The following GSN variants were observed in gnomAD, a reference collection of about 807,000 sequenced individuals.
The protein encoded by GSN is actin-depolymerizing factor.
Under a neutral mutation model 85.7 loss-of-function variants are expected in GSN, and 56 were observed. The observed-to-expected ratio is 0.65, with a 90% CI of 0.53 to 0.82. The LOEUF is 0.82. GSN is among the 40% of genes least tolerant of loss of function. The probability of loss-of-function intolerance (pLI) is 0.00; values close to 1 mark genes in which losing one functional copy is unlikely to be tolerated. For synonymous variants in GSN, 373 were observed against 399.1 expected, an observed-to-expected ratio of 0.93 and a Z score of 0.78; for missense variants, 857 against 979.8, an observed-to-expected ratio of 0.87 and a Z score of 1.67.
intron 5 of GSN, among the ~76,000 whole-genome samples, chr9:121,232,918 C>A (rs2054421501): frequency 6.6e-6 from 1 of 152,174 alleles, no homozygotes; most frequent in African/African-American, 2.4e-5. Context: ...TCAGAGGAAC[C>A]ATTGTTGAGT....
chr9:121,268,454 A>G (rs1401914577), intron 1 of GSN, among the ~76,000 whole-genome samples: 1 of 151,958 alleles, frequency 6.6e-6, no homozygotes, highest in African/African-American at 2.4e-5. Context: ...GAGAGGGGCC[A>G]GGCCTCCACC....
chr9:121,312,529 C>A, intron 6 of GSN, 41 bp downstream of exon 6: 13 of 1,526,656 alleles, frequency 8.5e-6, no homozygotes, highest in Non-Finnish European at 1.2e-5. Context: ...TGGGGACACG[C>A]TGCTCATGAC....
intron 2 of GSN, among the ~76,000 whole-genome samples, chr9:121,293,971 C>T (rs143189687): frequency 6.6e-6 from 1 of 152,050 alleles, no homozygotes; most frequent in East Asian, 1.9e-4. Context: ...TGCTCAAAGC[C>T]ACACTGCTAA....
At chr9:121,206,559 T>G (rs1452642898), upstream of GSN, among the ~76,000 whole-genome samples, 1 of 152,088 alleles carries the variant, frequency 6.6e-6, no homozygotes, top group East Asian at 1.9e-4. Context: ...AAATATCCTC[T>G]CGTGTCACAG....
intron 5 of GSN, among the ~76,000 whole-genome samples, chr9:121,233,598 C>G (rs181974611): frequency 2.6e-5 from 4 of 152,274 alleles, no homozygotes; most frequent in Non-Finnish European, 5.9e-5. Flanking sequence ...TGGTTCCAAC[C>G]CCACCTAGCA....
chr9:121,249,286 TG>T (rs1261714684), intron 6 of GSN, among the ~76,000 whole-genome samples: 1 of 151,764 alleles, frequency 6.6e-6, no homozygotes, highest in African/African-American at 2.4e-5. Context: ...TGGTGAAACC[TG>T]GTCTGTACAA....
intron 2 of GSN, among the ~76,000 whole-genome samples, chr9:121,287,127 C>T (rs1432335273): frequency 2.6e-5 from 4 of 152,156 alleles, no homozygotes; most frequent in Non-Finnish European, 5.9e-5. Context: ...CCCCCTGGGC[C>T]TATTCTCTTC....
intron 6 of GSN, among the ~76,000 whole-genome samples, chr9:121,253,421 C>T (rs958383874): frequency 6.6e-6 from 1 of 152,146 alleles, no homozygotes; most frequent in African/African-American, 2.4e-5. Flanking sequence ...GTTATCTTTC[C>T]CTTACCAAGT....
chr9:121,313,692 T>A, intron 6 of GSN: 1 of 579,922 alleles, frequency 1.7e-6, no homozygotes, highest in Non-Finnish European at 3.1e-6. Context: ...AAGCGCTGTC[T>A]GGAGGCAGAG....
At chr9:121,204,865 A>G (rs930306777), upstream of GSN, among the ~76,000 whole-genome samples, 1 of 152,236 alleles carries the variant, frequency 6.6e-6, no homozygotes, top group Non-Finnish European at 1.5e-5. Flanking sequence ...GAAAAAAGCA[A>G]GGTGCAGAAA....
chr9:121,326,414 G>A, intron 12 of GSN, 98 bp from the exon 13 acceptor site: 1 of 961,692 alleles, frequency 1.0e-6, no homozygotes, highest in Non-Finnish European at 1.6e-6. Context: ...ACAGACACAA[G>A]CATGATGGCT....
At chr9:121,282,469 G>T in intron 2 of GSN, 1 of 1,268,720 alleles carries the variant, frequency 7.9e-7, no homozygotes, top group African/African-American at 1.5e-5. Context: ...CAGGACTTAC[G>T]CGTCTGCTGT....
chr9:121,312,732 A>T, intron 6 of GSN: 1 of 317,494 alleles, frequency 3.1e-6, no homozygotes, highest in Non-Finnish European at 5.8e-6. Flanking sequence ...GGCTCAAGTG[A>T]TCCTCCTGCC....
chr9:121,258,209 T>C (rs1185518996), intron 6 of GSN, among the ~76,000 whole-genome samples: 1 of 152,164 alleles, frequency 6.6e-6, no homozygotes, highest in Admixed American at 6.5e-5. Flanking sequence ...AAGGACTGTA[T>C]TGAATGAGAG....
At chr9:121,294,930 C>T (rs182548172) in intron 2 of GSN, among the ~76,000 whole-genome samples, 1 of 152,312 alleles carries the variant, frequency 6.6e-6, no homozygotes, top group Non-Finnish European at 1.5e-5. Context: ...CCCAAAAGTC[C>T]TGCAACTGGG....
intron 4 of GSN, among the ~76,000 whole-genome samples, chr9:121,216,523 A>G (rs2054067571): frequency 6.6e-6 from 1 of 151,578 alleles, no homozygotes; most frequent in Non-Finnish European, 1.5e-5. Context: ...ACAGTCCCTA[A>G]CTCTCCTACC....
At chr9:121,205,608 C>T (rs557459127), upstream of GSN, among the ~76,000 whole-genome samples, 65 of 152,148 alleles carry the variant, frequency 4.3e-4, no homozygotes, top group African/African-American at 1.4e-3. Flanking sequence ...GATTGGAGTA[C>T]GGCAAAGAAG....
At position 121,214,383 on chromosome 9, in the gene GSN, T is replaced by G. The variant is rs374572169; in HGVS notation, c.-528+3516T>G. ...GATGTTAGTTCTACATTTTAAAATC[T>G]AGGTTCCATAATCTTTCTGAGTCTC... On this transcript the variant is annotated intron_variant, in intron 4 of 24. Transcript: ENST00000373823. 6.7e-4 allele frequency among the ~76,000 whole-genome samples: 102 copies of G among 152,266 alleles called. 1 individual carries two copies. Among genetic ancestry groups the G allele is most frequent in the African/African-American group, 2.2e-3 (91 of 41,538 alleles).
At chr9:121,253,758 C>G (rs1345119199) in intron 6 of GSN, among the ~76,000 whole-genome samples, 1 of 152,204 alleles carries the variant, frequency 6.6e-6, no homozygotes, top group Non-Finnish European at 1.5e-5. Flanking sequence ...GCTGAGAGAT[C>G]TGTGACAATG....
Sources: allele counts gnomAD v4.1 joint callset (sites outside exome capture counted in the v4.1 genomes callset), GRCh38; gene constraint gnomAD v4.1.1; transcripts MANE v1.5; gene names NCBI Gene and HGNC (gene_info 2026-07-23, HGNC 2026-07-21).